The following ZNF777 variants were observed in gnomAD, a reference collection of about 807,000 sequenced individuals.
The protein encoded by ZNF777 is zinc finger protein 777.
Under a neutral mutation model 72.1 loss-of-function variants are expected in ZNF777, and 7 were observed. That is an observed-to-expected ratio of 0.10 (90% CI 0.06 to 0.18). The LOEUF is 0.18. Ranked by LOEUF, ZNF777 falls within the 10% of genes least tolerant of loss-of-function variation. The pLI, the probability that ZNF777 is intolerant of heterozygous loss-of-function variation, is 1.00. For synonymous variants in ZNF777, 545 were observed against 483.5 expected (o/e 1.13, Z -1.67); for missense variants, 828 against 1,128.6 (o/e 0.73, Z 3.82).
intron 1 of ZNF777, chr7:149,459,702 T>C: frequency 1.0e-6 from 1 of 985,094 alleles, no homozygotes; most frequent in Non-Finnish European, 1.2e-6. Flanking sequence ...GCCAGGTGTC[T>C]GTGCCTCAGT....
rs1053698557 is a variant in ZNF777 at position 149,448,484 on chromosome 7, A to G, written c.1087+2515T>C. Among the ~76,000 whole-genome samples, 160 of 21,694 alleles carry G rather than the reference A, an allele frequency of 7.4e-3. 2 individuals are homozygous for G. Among genetic ancestry groups the G allele is most frequent in the African/African-American group, 0.036 (149 of 4,096 alleles). The allele number at this position is 21,694 out of a possible 152,430, so 14.2% of individuals were successfully genotyped here. Reference sequence around the variant, plus strand: ...GGCTCCATCTCAAAAACAAAACAAAACTATATATATATATATATATATATA... The same window carrying G: ...GGCTCCATCTCAAAAACAAAACAAAGCTATATATATATATATATATATATA... On this transcript the variant is annotated intron_variant, in intron 4 of 5. Transcript: ENST00000247930.
At chr7:149,452,396 C>T (rs762528703) in intron 3 of ZNF777, among the ~76,000 whole-genome samples, 2 of 151,914 alleles carry the variant, frequency 1.3e-5, no homozygotes, top group East Asian at 1.9e-4. Context: ...TTTGGGAGGC[C>T]GAGGTGGCTG....
chr7:149,439,765 C>CT (rs1285507424), intron 4 of ZNF777, among the ~76,000 whole-genome samples: 2 of 152,140 alleles, frequency 1.3e-5, no homozygotes. Flanking sequence ...CCACAGGTCT[C>CT]TAAGTGTTCA....
Position 149,459,747 on chromosome 7 carries a change from C to T in ZNF777, c.-16+1068G>A, listed in dbSNP as rs1799908091. 3.0e-6 allele frequency: 3 copies of T among 984,978 alleles called. No individual in the cohort carries two copies. The South Asian group carries it at 1.4e-4, about 46-fold the overall frequency. The allele number at this position is 984,978 out of a possible 1,614,324, so 61.0% of individuals were successfully genotyped here. Reference sequence around the variant, plus strand: ...CTGCGAAATGGGAGAGCCGCGTCAGCGCCGCGCCCGGGCCGGGGAAGGCTC... The same window carrying T: ...CTGCGAAATGGGAGAGCCGCGTCAGTGCCGCGCCCGGGCCGGGGAAGGCTC... On this transcript the variant is annotated intron_variant, in intron 1 of 5. Coordinates refer to ENST00000247930, the MANE Select transcript of ZNF777 (RefSeq NM_015694.3).
In ZNF777 at chr7:149,440,665, GTTTTTTTGTTTT is replaced by G. The variant is rs1255158396; in HGVS notation, c.1088-3851_1088-3840del. ...GAGCCACCATGCCCAGCAGCCTGTTGTTTTTTTGTTTTTTTTTTTTTTTTTTTAAATAATGGG... is the reference window on the plus strand; with the variant it reads ...GAGCCACCATGCCCAGCAGCCTGTTGTTTTTTTTTTTTTTTAAATAATGGG... On this transcript the variant is annotated intron_variant, in intron 4 of 5. Transcript: ENST00000247930. Among the ~76,000 whole-genome samples the G allele has an allele frequency of 3.4e-5, 3 of 88,396 alleles. No individual in the cohort carries two copies. In the East Asian group the frequency reaches 1.1e-3, roughly 33 times the overall value. The allele number at this position is 88,396 out of a possible 152,430, so 58.0% of individuals were successfully genotyped here. A position where few individuals can be genotyped will look rare whatever the true frequency, so the allele number is the denominator to read the frequency against.
chr7:149,455,186 T>C lies in ZNF777; in HGVS notation c.837A>G (p.Glu279=), dbSNP rs369753685. The change falls in exon 2 of 6, where the codon GAA becomes GAG. Residue 279 remains glutamate (E), a synonymous_variant. Coordinates refer to ENST00000247930, the MANE Select transcript of ZNF777 (RefSeq NM_015694.3). This position sits in a 1 kb window ranked among gnomAD's most constrained non-coding sequence, Gnocchi z 4.2. ...ILRLPPGSNG[E]VPKVPVTFDD... ...GTTGGGATGTGCTTACCTTGGGAAC[T>C]TCTCCATTGCTGCCGGGGGGCAGCC... The C allele has an allele frequency of 1.1e-4, 172 of 1,611,612 alleles. No homozygotes were observed. The highest frequency in any genetic ancestry group is 1.4e-4 in the Non-Finnish European group (169 of 1,178,976).
At chr7:149,448,819 A>ATGGG (rs1337281267) in intron 4 of ZNF777, among the ~76,000 whole-genome samples, 1 of 151,684 alleles carries the variant, frequency 6.6e-6, no homozygotes, top group African/African-American at 2.4e-5. Context: ...CCGTGAATGA[A>ATGGG]TGGGAGCCCC....
intron 1 of ZNF777, among the ~76,000 whole-genome samples, chr7:149,459,033 C>T (rs1208387005): frequency 1.3e-5 from 2 of 152,160 alleles, no homozygotes; most frequent in Admixed American, 1.3e-4. Flanking sequence ...TTGAATGACC[C>T]AGTATGGTTC....
At chr7:149,452,991 T>A (rs151280011) in intron 3 of ZNF777, among the ~76,000 whole-genome samples, 3 of 152,356 alleles carry the variant, frequency 2.0e-5, no homozygotes, top group Admixed American at 1.3e-4. Context: ...CGTGGAACAC[T>A]GCACTGTCTT....
chr7:149,435,298 G>A (rs984820617), intron 5 of ZNF777, among the ~76,000 whole-genome samples: 3 of 152,068 alleles, frequency 2.0e-5, no homozygotes, highest in East Asian at 3.9e-4. Flanking sequence ...AGCCTCCCAA[G>A]GAGCTGAGAC....
Position 149,455,928 on chromosome 7 carries a change from A to T in ZNF777, c.95T>A (p.Leu32Gln), listed in dbSNP as rs770832832. 1.9e-6 allele frequency: 3 copies of T among 1,612,094 alleles called. No homozygotes were observed. The East Asian group carries it at 6.7e-5, about 36-fold the overall frequency. ...GGGAGGAAGAACGCGGGATTGGAAC[A>T]GAGTTTCTCGGGGGAGTCCAGCAGG... ...QAPAGLPRET[L>Q]FQSRVLPPKE... is the part of the protein sequence containing the mutation. Residue 32 changes from leucine to glutamine, a missense_variant, in exon 2 of 6, where the codon CTG (leucine) becomes CAG (glutamine). Transcript: ENST00000247930. This position sits in a 1 kb window ranked among gnomAD's most constrained non-coding sequence, Gnocchi z 4.2.
intron 3 of ZNF777, 120 bp downstream of exon 3, chr7:149,453,991 C>T: frequency 6.9e-7 from 1 of 1,452,562 alleles, no homozygotes. Flanking sequence ...GTGATCTCTA[C>T]AACTCTGTTC....
intron 3 of ZNF777, among the ~76,000 whole-genome samples, chr7:149,453,522 A>G: frequency 6.6e-6 from 1 of 152,232 alleles, no homozygotes; most frequent in East Asian, 1.9e-4. Flanking sequence ...AAATATTCTT[A>G]ATTAAAATCA....
chr7:149,452,922 T>G (rs1427555139), intron 3 of ZNF777, among the ~76,000 whole-genome samples: 3 of 152,208 alleles, frequency 2.0e-5, no homozygotes, highest in Non-Finnish European at 2.9e-5. Flanking sequence ...TCATAACACT[T>G]TGTAACAGTC....
In ZNF777 at chr7:149,432,565, G is replaced by T. The variant is rs757391557; in HGVS notation, c.1707C>A (p.Ile569=). The T allele has an allele frequency of 1.9e-6, 3 of 1,613,610 alleles. No homozygotes were observed. The highest frequency in any genetic ancestry group is 2.5e-6 in the Non-Finnish European group (3 of 1,179,746). Residue 569 remains isoleucine (I), a synonymous_variant, in exon 6 of 6, where the codon ATC becomes ATA. Coordinates refer to ENST00000247930, the MANE Select transcript of ZNF777 (RefSeq NM_015694.3). ...CGGCGCACTCGTAGGGCCCCTCCTT[G>T]ATGTGGTTGCGCTGGTGGATGATGA... The part of the protein sequence containing the change: ...INLIIHQRNH[I]KEGPYECAEC...
chr7:149,453,021 G>A (rs1190638048), intron 3 of ZNF777, among the ~76,000 whole-genome samples: 1 of 152,222 alleles, frequency 6.6e-6, no homozygotes, highest in Non-Finnish European at 1.5e-5. Context: ...TCCTACGTGT[G>A]CTGACATGGA....
intron 4 of ZNF777, among the ~76,000 whole-genome samples, chr7:149,443,617 A>G (rs2116584682): frequency 6.6e-6 from 1 of 152,342 alleles, no homozygotes; most frequent in Non-Finnish European, 1.5e-5. Flanking sequence ...AGTGGAACAT[A>G]GTTGAACAGT....
chr7:149,436,943 T>C lies in ZNF777; in HGVS notation c.1088-117A>G. ...TCAATAAGTCTTATCTTAGAGACCCTGAAGAAATGTAATATTGAGTTGGAA... is the reference window on the plus strand; with the variant it reads ...TCAATAAGTCTTATCTTAGAGACCCCGAAGAAATGTAATATTGAGTTGGAA... On this transcript the variant is annotated intron_variant, in intron 4 of 5. Coordinates refer to ENST00000247930, the MANE Select transcript of ZNF777 (RefSeq NM_015694.3). This position sits in a 1 kb window ranked among gnomAD's most constrained non-coding sequence, Gnocchi z 5.0. The C allele has an allele frequency of 7.7e-7, 1 of 1,295,606 alleles. No individual in the cohort carries two copies. Among genetic ancestry groups the C allele is most frequent in the Admixed American group, 2.4e-5 (1 of 41,314 alleles). The allele number at this position is 1,295,606 out of a possible 1,614,324, so 80.3% of individuals were successfully genotyped here.
intron 4 of ZNF777, among the ~76,000 whole-genome samples, chr7:149,449,527 G>T (rs1196821939): frequency 6.6e-6 from 1 of 152,172 alleles, no homozygotes; most frequent in East Asian, 1.9e-4. Context: ...GAACCGCAAG[G>T]CCCCGTTGGG....
Sources: gnomAD v4.1 joint callset for allele counts (sites outside exome capture counted in the v4.1 genomes callset) on GRCh38, gnomAD v4.1.1 for gene constraint, Gnocchi (gnomAD v3.1) non-coding constraint, MANE v1.5 for transcripts, NCBI Gene and HGNC (gene_info 2026-07-23, HGNC 2026-07-21) for gene names.